Variants in IMMP2L observed in about 807,000 individuals in gnomAD.
IMMP2L encodes inner mitochondrial membrane peptidase subunit 2.
In IMMP2L, 18 loss-of-function variants were observed where a neutral mutation model predicts 19.3. That is an observed-to-expected ratio of 0.93 (90% CI 0.64 to 1.38). The LOEUF is 1.38. IMMP2L is among the 40% of genes most tolerant of loss of function. The pLI is 0.00. For synonymous variants in IMMP2L, 76 were observed against 73.0 expected (o/e 1.04, Z -0.21); for missense variants, 233 against 218.2 (o/e 1.07, Z -0.43).
Position 110,963,498 on chromosome 7 carries a change from A to G in IMMP2L, c.305+2T>C. ...AACTCAGAAACAACAGTAAATACTT[A>G]CCTGACAATATCTCCTTCAAGAGCA... On this transcript the variant is annotated splice_donor_variant, in intron 4 of 5. Transcript: ENST00000405709. LOFTEE classifies it high-confidence loss of function. The G allele has an allele frequency of 6.3e-7, 1 of 1,587,746 alleles. No individual in the cohort carries two copies. Among genetic ancestry groups the G allele is most frequent in the East Asian group, 2.3e-5 (1 of 44,388 alleles).
intron 2 of IMMP2L, among the ~76,000 whole-genome samples, chr7:111,493,137 CAT>C (rs916272601): frequency 4.5e-4 from 68 of 152,132 alleles, no homozygotes; most frequent in African/African-American, 1.5e-3. Context: ...TCAATGAAAA[CAT>C]ATTCTAGATA....
Position 110,870,419 on chromosome 7 carries a change from T to TGTGAACACACTGCTGTGA in IMMP2L, c.408+16173_408+16174insTCACAGCAGTGTGTTCAC, listed in dbSNP as rs1168672586. Among the ~76,000 whole-genome samples the TGTGAACACACTGCTGTGA allele has an allele frequency of 6.6e-6, 1 of 152,154 alleles. No homozygotes were observed. Among genetic ancestry groups the TGTGAACACACTGCTGTGA allele is most frequent in the Non-Finnish European group, 1.5e-5 (1 of 68,020 alleles). On this transcript the variant is annotated intron_variant, in intron 5 of 5. Coordinates refer to ENST00000405709, the MANE Select transcript of IMMP2L (RefSeq NM_032549.4). This position sits in a 1 kb window ranked among gnomAD's most constrained non-coding sequence, Gnocchi z 4.2. ...ATTATGAGCCAGCCAGGCACTGTGC[T>TGTGAACACACTGCTGTGA]ACAGCAGTGAACCAAAAGGACAAGG... is the stretch of plus-strand genomic sequence containing the variant.
chr7:110,950,642 A>G (rs1320280046), intron 4 of IMMP2L, among the ~76,000 whole-genome samples: 1 of 151,566 alleles, frequency 6.6e-6, no homozygotes, highest in East Asian at 1.9e-4. Flanking sequence ...TCTTTGCAAC[A>G]TTCTTCACAA....
At chr7:110,904,888 C>T (rs1447752029) in intron 4 of IMMP2L, among the ~76,000 whole-genome samples, 1 of 152,184 alleles carries the variant, frequency 6.6e-6, no homozygotes. Flanking sequence ...GATTGGATAT[C>T]TATCTCATTT....
intron 3 of IMMP2L, chr7:111,391,950 T>G (rs1272366498): frequency 1.4e-6 from 1 of 703,112 alleles, no homozygotes; most frequent in African/African-American, 1.7e-5. Context: ...TTCTTCAATC[T>G]TAGGCTAACT....
chr7:111,495,919 T>C (rs1843552803), intron 2 of IMMP2L, among the ~76,000 whole-genome samples: 1 of 152,124 alleles, frequency 6.6e-6, no homozygotes, highest in Non-Finnish European at 1.5e-5. Flanking sequence ...TTTGTGCTTT[T>C]AAGTGAGATG....
intron 5 of IMMP2L, among the ~76,000 whole-genome samples, chr7:110,818,923 A>T (rs1802780133): frequency 7.6e-6 from 1 of 130,920 alleles, no homozygotes; most frequent in Non-Finnish European, 1.6e-5. Context: ...GAACACATGG[A>T]CACAGGAAGG....
intron 3 of IMMP2L, among the ~76,000 whole-genome samples, chr7:111,442,645 C>A (rs1837862378): frequency 6.6e-6 from 1 of 151,706 alleles, no homozygotes; most frequent in African/African-American, 2.4e-5. Flanking sequence ...ATAGGTACCT[C>A]AAATGTGACA....
intron 3 of IMMP2L, among the ~76,000 whole-genome samples, chr7:111,161,156 T>C (rs373334491): frequency 1.3e-4 from 20 of 151,988 alleles, no homozygotes; most frequent in East Asian, 1.2e-3. Context: ...AGACTTTCAA[T>C]ATCCAAAGCA....
intron 3 of IMMP2L, among the ~76,000 whole-genome samples, chr7:111,446,025 A>G (rs1254659373): frequency 1.3e-5 from 2 of 151,996 alleles, no homozygotes; most frequent in Non-Finnish European, 2.9e-5. Context: ...GCACCACGAG[A>G]CTGTATCCCA....
At chr7:111,501,428 G>A (rs1175112134) in intron 2 of IMMP2L, among the ~76,000 whole-genome samples, 39 of 152,136 alleles carry the variant, frequency 2.6e-4, no homozygotes, top group African/African-American at 9.2e-4. Context: ...AACTTCCCCA[G>A]TCTAGCAAGG....
At chr7:111,242,760 G>A (rs994890778) in intron 3 of IMMP2L, among the ~76,000 whole-genome samples, 5 of 151,764 alleles carry the variant, frequency 3.3e-5, no homozygotes, top group Admixed American at 1.3e-4. Flanking sequence ...TCATGATAAT[G>A]ATTAAAAAAG....
At chr7:111,241,024 A>G (rs1311113497) in intron 3 of IMMP2L, among the ~76,000 whole-genome samples, 1 of 151,928 alleles carries the variant, frequency 6.6e-6, no homozygotes, top group East Asian at 1.9e-4. Context: ...TGTAAATGCT[A>G]CACTGTCATG....
intron 1 of IMMP2L, among the ~76,000 whole-genome samples, chr7:111,527,780 C>T (rs776894064): frequency 6.6e-6 from 1 of 152,100 alleles, no homozygotes; most frequent in Non-Finnish European, 1.5e-5. Context: ...AGCATTGCTA[C>T]CATCGCCTGC....
chr7:111,294,339 A>T (rs1821408838), intron 3 of IMMP2L, among the ~76,000 whole-genome samples: 1 of 151,924 alleles, frequency 6.6e-6, no homozygotes, highest in Non-Finnish European at 1.5e-5. Flanking sequence ...CTGTCTCAGG[A>T]AAACCAGAAT....
At chr7:111,450,545 T>C (rs951410334) in intron 3 of IMMP2L, among the ~76,000 whole-genome samples, 3 of 150,228 alleles carry the variant, frequency 2.0e-5, no homozygotes, top group East Asian at 3.9e-4. Context: ...TTACACCTTA[T>C]ACAAAAATCA....
intron 5 of IMMP2L, among the ~76,000 whole-genome samples, chr7:110,845,501 T>C (rs1805572527): frequency 6.6e-6 from 1 of 152,144 alleles, no homozygotes; most frequent in Non-Finnish European, 1.5e-5. Context: ...TAAACTTTTA[T>C]CTTTATCAAA....
intron 5 of IMMP2L, among the ~76,000 whole-genome samples, chr7:110,856,182 T>C (rs1009234553): frequency 6.6e-6 from 1 of 151,988 alleles, no homozygotes; most frequent in Admixed American, 6.6e-5. Flanking sequence ...ATATCAAAAT[T>C]ACTAAAGACA....
chr7:111,111,299 T>TA (rs751990466), intron 3 of IMMP2L, among the ~76,000 whole-genome samples: 9,980 of 92,046 alleles, frequency 0.11, 1,220 homozygotes, highest in African/African-American at 0.31. Flanking sequence ...GTAGCAGTTG[T>TA]AAAAAAAAAA....
Sources: allele counts gnomAD v4.1 joint callset (sites outside exome capture counted in the v4.1 genomes callset), GRCh38; gene constraint gnomAD v4.1.1; non-coding constraint Gnocchi (gnomAD v3.1); transcripts MANE v1.5; gene names NCBI Gene and HGNC (gene_info 2026-07-23, HGNC 2026-07-21).